The following GHR variants were observed in gnomAD, a reference collection of about 807,000 sequenced individuals.
The protein encoded by GHR is GH receptor.
GHR carries 35 observed loss-of-function variants against 67.1 expected under a neutral mutation model. The observed-to-expected ratio is 0.52, with a 90% CI of 0.40 to 0.69. The LOEUF (loss-of-function observed/expected upper bound fraction) is 0.69. Ranked by LOEUF, GHR falls within the 30% of genes least tolerant of loss-of-function variation. The pLI, the probability that GHR is intolerant of heterozygous loss-of-function variation, is 0.00. For synonymous variants in GHR, 272 were observed against 269.1 expected, an observed-to-expected ratio of 1.01 and a Z score of -0.10; for missense variants, 792 against 764.6, an observed-to-expected ratio of 1.04 and a Z score of -0.42.
chr5:42,674,819 AT>A (rs890930209), intron 3 of GHR, among the ~76,000 whole-genome samples: 5 of 152,070 alleles, frequency 3.3e-5, no homozygotes, highest in African/African-American at 1.2e-4. Flanking sequence ...ATTCTTGCAC[AT>A]GTTTTTGTGT....
At chr5:42,510,735 A>T (rs530728511) in intron 1 of GHR, among the ~76,000 whole-genome samples, 311 of 152,340 alleles carry the variant, frequency 2.0e-3, no homozygotes, top group South Asian at 4.4e-3. Flanking sequence ...GAGATGAGAC[A>T]GATGAATGGA....
chr5:42,618,822 T>C (rs1255462834), intron 2 of GHR, among the ~76,000 whole-genome samples: 1 of 152,092 alleles, frequency 6.6e-6, no homozygotes, highest in African/African-American at 2.4e-5. Context: ...TGGTGTAAGG[T>C]AGACAAAGAC....
At chr5:42,607,930 G>A (rs1417258262) in intron 2 of GHR, among the ~76,000 whole-genome samples, 1 of 152,206 alleles carries the variant, frequency 6.6e-6, no homozygotes, top group African/African-American at 2.4e-5. Flanking sequence ...AGTGAAGGAA[G>A]CAAATACCTT....
chr5:42,721,080 A>C lies in GHR; in HGVS notation c.*1656A>C, dbSNP rs1242817273. 6.6e-6 allele frequency: 1 copy of C among 152,144 alleles called. No homozygotes were observed. The highest frequency in any genetic ancestry group is 1.5e-5 in the Non-Finnish European group (1 of 68,106). The allele number at this position is 152,144 out of a possible 1,614,324, so 9.4% of individuals were successfully genotyped here. A position where few individuals can be genotyped will look rare whatever the true frequency, so the allele number is the denominator to read the frequency against. On this transcript the variant is annotated 3_prime_UTR_variant, in exon 10 of 10. Transcript: ENST00000230882. ...GCTGGGACTACAGGCACGCACCACC[A>C]TGCCAGGCTAATTTTTTTGTATTTT...
At chr5:42,650,583 ATATATATATATATATATATG>A (rs536522705) in intron 3 of GHR, among the ~76,000 whole-genome samples, 123 of 145,756 alleles carry the variant, frequency 8.4e-4, no homozygotes, top group African/African-American at 3.0e-3. Context: ...GATAACATAT[ATATATATATATATATATATG>A]TATGTCTATG....
At chr5:42,550,070 G>A (rs930763435) in intron 1 of GHR, 1 of 972,800 alleles carries the variant, frequency 1.0e-6, no homozygotes, top group Non-Finnish European at 1.2e-6. Flanking sequence ...TGTATTGTCT[G>A]CCTGATGATC....
At chr5:42,608,035 G>A (rs542299818) in intron 2 of GHR, among the ~76,000 whole-genome samples, 1 of 152,154 alleles carries the variant, frequency 6.6e-6, no homozygotes, top group South Asian at 2.1e-4. Flanking sequence ...AAAGAGCTAG[G>A]AATTCATTCA....
At chr5:42,591,646 T>C (rs1580006583) in intron 2 of GHR, among the ~76,000 whole-genome samples, 2 of 152,058 alleles carry the variant, frequency 1.3e-5, no homozygotes, top group Non-Finnish European at 2.9e-5. Context: ...ACCTCCCCTG[T>C]CTCCAGATCC....
chr5:42,576,141 A>AGT (rs1473733015), intron 2 of GHR, among the ~76,000 whole-genome samples: 57 of 94,704 alleles, frequency 6.0e-4, no homozygotes, highest in African/African-American at 2.5e-3. Context: ...AATAAAATAA[A>AGT]ATAGTAAAGT....
chr5:42,525,962 T>C (rs1747690018), intron 1 of GHR, among the ~76,000 whole-genome samples: 1 of 152,212 alleles, frequency 6.6e-6, no homozygotes, highest in Non-Finnish European at 1.5e-5. Flanking sequence ...TTCAGATATG[T>C]CTTTATCAGC....
intron 1 of GHR, among the ~76,000 whole-genome samples, chr5:42,451,447 A>G (rs1744045313): frequency 6.6e-6 from 1 of 151,778 alleles, no homozygotes; most frequent in Non-Finnish European, 1.5e-5. Flanking sequence ...TGATATAAGA[A>G]TAGCTACTCC....
intron 3 of GHR, among the ~76,000 whole-genome samples, chr5:42,661,876 C>G (rs1398839056): frequency 6.6e-6 from 1 of 152,150 alleles, no homozygotes; most frequent in African/African-American, 2.4e-5. Flanking sequence ...CGTGCAGAGA[C>G]ACACACAGGC....
At chr5:42,611,746 T>G (rs13182117) in intron 2 of GHR, among the ~76,000 whole-genome samples, 16,305 of 152,168 alleles carry the variant, frequency 0.11, 1,267 homozygotes, top group Non-Finnish European at 0.15. Flanking sequence ...GCATTTCAGC[T>G]GGAACTTGAA....
chr5:42,553,336 A>C (rs1749137149), intron 1 of GHR, among the ~76,000 whole-genome samples: 1 of 152,106 alleles, frequency 6.6e-6, no homozygotes, highest in African/African-American at 2.4e-5. Context: ...TTGTTGGACC[A>C]TGTTCCCCAT....
intron 2 of GHR, among the ~76,000 whole-genome samples, chr5:42,607,454 A>G (rs1053351446): frequency 6.6e-6 from 1 of 152,164 alleles, no homozygotes; most frequent in African/African-American, 2.4e-5. Flanking sequence ...AACATCAACT[A>G]GGTGTTCCAA....
intron 1 of GHR, among the ~76,000 whole-genome samples, chr5:42,438,438 G>A (rs956686164): frequency 4.4e-4 from 67 of 152,152 alleles, no homozygotes; most frequent in African/African-American, 1.5e-3. Flanking sequence ...CCAAACTCAG[G>A]TGACTCATTT....
intron 3 of GHR, among the ~76,000 whole-genome samples, 168 bp from the exon 4 acceptor site, chr5:42,688,722 T>C (rs7709809): frequency 0.028 from 4,328 of 152,238 alleles, 200 homozygotes; most frequent in African/African-American, 0.1. Flanking sequence ...GCACTAAAAC[T>C]ATGACCCAGG....
intron 1 of GHR, among the ~76,000 whole-genome samples, chr5:42,440,745 A>G (rs540752485): frequency 6.6e-6 from 1 of 152,342 alleles, no homozygotes; most frequent in East Asian, 1.9e-4. Flanking sequence ...AGCTTGGACC[A>G]GGGTGATGAT....
At chr5:42,496,722 C>G (rs1234691114) in intron 1 of GHR, among the ~76,000 whole-genome samples, 3 of 152,148 alleles carry the variant, frequency 2.0e-5, no homozygotes, top group Non-Finnish European at 1.5e-5. Context: ...AATTTATCCC[C>G]TTAGTTGAAA....
Sources: allele counts gnomAD v4.1 joint callset (sites outside exome capture counted in the v4.1 genomes callset), GRCh38; gene constraint gnomAD v4.1.1; transcripts MANE v1.5; gene names NCBI Gene and HGNC (gene_info 2026-07-23, HGNC 2026-07-21).